The following XKR6 variants were observed in gnomAD, a reference collection of about 807,000 sequenced individuals.
XKR6 encodes XK-related protein 6.
Under a neutral mutation model 56.7 loss-of-function variants are expected in XKR6, and 22 were observed. That is an observed-to-expected ratio of 0.39 (90% CI 0.28 to 0.55). The LOEUF (loss-of-function observed/expected upper bound fraction) is 0.55, where lower values mean the gene tolerates loss of function less well. Among genes scored for constraint, XKR6 ranks in the 20% least tolerant of loss-of-function variants. XKR6 has a pLI of 0.66. For synonymous variants in XKR6, 524 were observed against 387.8 expected (o/e 1.35, Z -4.13); for missense variants, 852 against 889.0 (o/e 0.96, Z 0.53).
rs60435831 is a variant in XKR6, at chr8:11,106,863, A to AAAAAAAG, written c.764+93712_764+93713insCTTTTTT. ...GAGACTTCATCTCAAAAAAAAAAAAAAATAAAAAAGATACAACGTTACAAA... is the reference window on the plus strand; with the variant it reads ...GAGACTTCATCTCAAAAAAAAAAAAAAAAAAAGAATAAAAAAGATACAACGTTACAAA... On this transcript the variant is annotated intron_variant, in intron 1 of 2. Coordinates refer to ENST00000416569, the MANE Select transcript of XKR6 (RefSeq NM_173683.4). 3.0e-4 allele frequency among the ~76,000 whole-genome samples: 33 copies of AAAAAAAG among 109,922 alleles called. 3 individuals are homozygous for AAAAAAAG. Among genetic ancestry groups the AAAAAAAG allele is most frequent in the African/African-American group, 6.0e-4 (13 of 21,632 alleles). 72.1% of individuals were successfully genotyped at this position (109,922 alleles called of 152,430 possible). A position where few individuals can be genotyped will look rare whatever the true frequency, so the allele number is the denominator to read the frequency against.
intron 1 of XKR6, among the ~76,000 whole-genome samples, chr8:11,188,542 G>C (rs1803390610): frequency 6.6e-6 from 1 of 152,136 alleles, no homozygotes; most frequent in Non-Finnish European, 1.5e-5. Flanking sequence ...AAAACCACTT[G>C]ATTGCTTAAA....
At chr8:11,081,425 G>A (rs968257776) in intron 1 of XKR6, among the ~76,000 whole-genome samples, 1 of 152,178 alleles carries the variant, frequency 6.6e-6, no homozygotes, top group Admixed American at 6.5e-5. Context: ...TTCATTATCT[G>A]CACGACAGTT....
intron 1 of XKR6, among the ~76,000 whole-genome samples, chr8:11,148,862 C>G (rs555905142): frequency 2.6e-5 from 4 of 152,270 alleles, no homozygotes; most frequent in African/African-American, 9.6e-5. Context: ...ACTATTAATA[C>G]CACACAACAA....
At chr8:10,973,457 T>G (rs763014517) in intron 1 of XKR6, among the ~76,000 whole-genome samples, 29 of 152,306 alleles carry the variant, frequency 1.9e-4, no homozygotes, top group East Asian at 1.9e-4. Context: ...TCCCATACAT[T>G]CTTTCATTCA....
At chr8:10,916,850 T>C (rs576249565) in intron 2 of XKR6, among the ~76,000 whole-genome samples, 1 of 152,190 alleles carries the variant, frequency 6.6e-6, no homozygotes, top group East Asian at 1.9e-4. Context: ...GCTGGAAAAA[T>C]AGGTCAATGT....
intron 1 of XKR6, among the ~76,000 whole-genome samples, chr8:11,187,977 A>C (rs966577074): frequency 6.6e-6 from 1 of 152,198 alleles, no homozygotes. Context: ...GCTTTTGTTA[A>C]AGTTCCACTT....
chr8:11,146,403 T>A (rs1404413219), intron 1 of XKR6, among the ~76,000 whole-genome samples: 2 of 152,156 alleles, frequency 1.3e-5, no homozygotes, highest in African/African-American at 4.8e-5. Flanking sequence ...GGGCAGTCGG[T>A]CTGCATGAGG....
At chr8:11,137,479 C>T (rs541832269) in intron 1 of XKR6, 100 of 440,776 alleles carry the variant, frequency 2.3e-4, no homozygotes, top group Admixed American at 1.2e-3. Context: ...GAAGTCTTAT[C>T]TGAGAATAGA....
At chr8:10,938,353 C>T (rs1477942297) in intron 1 of XKR6, among the ~76,000 whole-genome samples, 1 of 152,178 alleles carries the variant, frequency 6.6e-6, no homozygotes, top group Non-Finnish European at 1.5e-5. Context: ...GCAGAAATCC[C>T]CCGTCTTCTG....
intron 1 of XKR6, among the ~76,000 whole-genome samples, chr8:11,047,521 CAA>C (rs1563102279): frequency 2.0e-5 from 3 of 152,196 alleles, no homozygotes; most frequent in African/African-American, 7.2e-5. Flanking sequence ...AAACCAGTCA[CAA>C]AAAGACAAAT....
At chr8:10,908,527 A>G (rs895692217) in intron 2 of XKR6, among the ~76,000 whole-genome samples, 6 of 151,934 alleles carry the variant, frequency 3.9e-5, no homozygotes, top group African/African-American at 1.5e-4. Flanking sequence ...CTCCTCAGAC[A>G]TGCTCCAGCC....
rs1011226635 is a variant in XKR6 at position 11,167,211 on chromosome 8, G to A, written c.764+33365C>T. ...AACTTTGTCAGAACTCTGGAAAACA[G>A]TGAAATGCTTACAGCAACCAACTGA... is the stretch of plus-strand genomic sequence containing the variant. On this transcript the variant is annotated intron_variant, in intron 1 of 2. Coordinates refer to ENST00000416569, the MANE Select transcript of XKR6 (RefSeq NM_173683.4). Among the ~76,000 whole-genome samples, 3 of 152,212 alleles carry A rather than the reference G, an allele frequency of 2.0e-5. No individual in the cohort carries two copies. In the South Asian group the frequency reaches 6.2e-4, roughly 32 times the overall value.
intron 1 of XKR6, among the ~76,000 whole-genome samples, chr8:11,078,848 C>T (rs1306184103): frequency 6.6e-6 from 1 of 152,324 alleles, no homozygotes; most frequent in East Asian, 1.9e-4. Context: ...CATACCCTCC[C>T]ATGGCAAGCA....
chr8:10,957,156 G>A (rs1801914489), intron 1 of XKR6, among the ~76,000 whole-genome samples: 1 of 152,070 alleles, frequency 6.6e-6, no homozygotes, highest in Non-Finnish European at 1.5e-5. Context: ...TCACCATGTG[G>A]GCCAGGCTGG....
chr8:11,140,785 C>A (rs1322585085), intron 1 of XKR6, among the ~76,000 whole-genome samples: 3 of 151,314 alleles, frequency 2.0e-5, no homozygotes, highest in African/African-American at 7.3e-5. Context: ...GTAGTCCCAG[C>A]TACTCGGGAG....
rs764761718 is a variant in XKR6, at chr8:11,201,206, C to CCGT, written c.131_133dup (p.Asp44dup). 9.1e-6 allele frequency: 14 copies of CCGT among 1,531,276 alleles called. No individual in the cohort carries two copies. Among genetic ancestry groups the CCGT allele is most frequent in the Non-Finnish European group, 1.2e-5 (14 of 1,145,806 alleles). 94.9% of individuals were successfully genotyped at this position (1,531,276 alleles called of 1,614,324 possible). A position where few individuals can be genotyped will look rare whatever the true frequency, so the allele number is the denominator to read the frequency against. On this transcript the variant is annotated inframe_insertion, in exon 1 of 3. Coordinates refer to ENST00000416569, the MANE Select transcript of XKR6 (RefSeq NM_173683.4). ...CGAGCTGCTCTCGCCGGGCTCGCTGCCGTCGCCGCCGCCGCCGCAGCCGCC... is the reference window on the plus strand; with the variant it reads ...CGAGCTGCTCTCGCCGGGCTCGCTGCCGTCGTCGCCGCCGCCGCCGCAGCCGCC...
rs1379411233 is a variant in XKR6, at chr8:11,200,608, G to A, written c.732C>T (p.Val244=). 2 of 1,541,602 alleles carry A rather than the reference G, an allele frequency of 1.3e-6. No homozygotes were observed. Among genetic ancestry groups the A allele is most frequent in the Non-Finnish European group, 8.7e-7 (1 of 1,155,792 alleles). The stretch of plus-strand genomic sequence containing the variant: ...CCTGCCCCATCTGCAGCAGGTGGAT[G>A]ACCGACTGCCAGATCCACACGGAGA... ...CRLSVWIWQS[V]IHLLQMGQVW... The change falls in exon 1 of 3, where the codon GTC becomes GTT. Residue 244 remains valine (V), a synonymous_variant. Coordinates refer to ENST00000416569, the MANE Select transcript of XKR6 (RefSeq NM_173683.4). The surrounding 1 kb of genome is among the most constrained non-coding windows in gnomAD (Gnocchi z 6.4).
At chr8:10,956,345 A>G (rs1257432185) in intron 1 of XKR6, among the ~76,000 whole-genome samples, 3 of 152,008 alleles carry the variant, frequency 2.0e-5, no homozygotes, top group Non-Finnish European at 4.4e-5. Context: ...GTGGGGGTGG[A>G]CACTAGTGGC....
chr8:11,094,912 G>C (rs1250387890), intron 1 of XKR6, among the ~76,000 whole-genome samples: 1 of 152,232 alleles, frequency 6.6e-6, no homozygotes, highest in African/African-American at 2.4e-5. Context: ...AGAGCATCAG[G>C]AAGAGCAGCT....
Sources: gnomAD v4.1 joint callset for allele counts (sites outside exome capture counted in the v4.1 genomes callset) on GRCh38, gnomAD v4.1.1 for gene constraint, Gnocchi (gnomAD v3.1) non-coding constraint, MANE v1.5 for transcripts, NCBI Gene and HGNC (gene_info 2026-07-23, HGNC 2026-07-21) for gene names.